SACS: variants seen among roughly 807,000 people sequenced by gnomAD.
The protein encoded by SACS is sacsin.
A neutral mutation model predicts 348.0 loss-of-function variants in SACS; 197 were observed. That is an observed-to-expected ratio of 0.57 (90% CI 0.50 to 0.64). SACS has a LOEUF of 0.64. Ranked by LOEUF, SACS falls within the 30% of genes least tolerant of loss-of-function variation. The pLI is 0.00. For synonymous variants in SACS, 1,985 were observed against 1,910.6 expected (o/e 1.04, Z -1.02); for missense variants, 4,999 against 5,360.8 (o/e 0.93, Z 2.11).
chr13:23,385,081 G>A lies in SACS; in HGVS notation c.21-9812C>T, dbSNP rs981463472. 4.6e-5 allele frequency among the ~76,000 whole-genome samples: 7 copies of A among 151,144 alleles called. No homozygotes were observed. In the East Asian group the frequency reaches 5.8e-4, roughly 13 times the overall value. ...TCGAGAACATCCTGGCTAACACGGT[G>A]AAACGCCATCTCTACTAAAAATACA... On this transcript the variant is annotated intron_variant, in intron 2 of 9. Coordinates refer to ENST00000382292, the MANE Select transcript of SACS (RefSeq NM_014363.6).
intron 9 of SACS, among the ~76,000 whole-genome samples, chr13:23,346,448 C>T (rs986261066): frequency 6.6e-6 from 1 of 152,114 alleles, no homozygotes; most frequent in Non-Finnish European, 1.5e-5. Flanking sequence ...CTGGCCCCCT[C>T]TATGCTTTTT....
chr13:23,376,762 T>C (rs1474964796), intron 2 of SACS, among the ~76,000 whole-genome samples: 3 of 152,150 alleles, frequency 2.0e-5, no homozygotes, highest in Admixed American at 6.5e-5. Context: ...GCCAAATATG[T>C]ACTTCTTGGC....
chr13:23,393,905 C>T (rs887750458), intron 2 of SACS, among the ~76,000 whole-genome samples: 2 of 152,266 alleles, frequency 1.3e-5, no homozygotes, highest in South Asian at 2.1e-4. Flanking sequence ...GGACTACAGG[C>T]GCCTGCCACC....
chr13:23,340,034 C>T lies in SACS; in HGVS notation c.3842G>A (p.Gly1281Asp). The T allele has an allele frequency of 1.9e-6, 3 of 1,613,326 alleles. No homozygotes were observed. Among genetic ancestry groups the T allele is most frequent in the Middle Eastern group, 1.7e-4 (1 of 6,056 alleles). The change falls in exon 10 of 10, where the codon GGC becomes GAC. Residue 1281 changes from glycine to aspartate, a missense_variant. Physicochemically the swap from Gly to Asp is moderately conservative, Grantham distance 94. Transcript: ENST00000382292. ...CTGGGCAAGTGGACAAAACTTTTTGCCAGTCCAAACCCATGGAAATTTTAA... is the reference window on the plus strand; with the variant it reads ...CTGGGCAAGTGGACAAAACTTTTTGTCAGTCCAAACCCATGGAAATTTTAA... Reference protein sequence around the residue: ...RALKFPWVWTGKKFCPLAQAV... With the variant: ...RALKFPWVWTDKKFCPLAQAV...
chr13:23,422,166 C>T (rs540816214), intron 1 of SACS, among the ~76,000 whole-genome samples: 3 of 152,252 alleles, frequency 2.0e-5, no homozygotes, highest in East Asian at 1.9e-4. Context: ...TTGAATGGAA[C>T]GTAACTTTTC....
At chr13:23,394,126 ATGGGCTGG>A (rs1488733917) in intron 2 of SACS, among the ~76,000 whole-genome samples, 1 of 152,172 alleles carries the variant, frequency 6.6e-6, no homozygotes, top group Non-Finnish European at 1.5e-5. Flanking sequence ...CACGTGATTA[ATGGGCTGG>A]AACTTTCAGC....
Position 23,331,567 on chromosome 13 carries a change from T to G in SACS, c.12309A>C (p.Ala4103=). The G allele has an allele frequency of 1.2e-6, 2 of 1,613,970 alleles. No homozygotes were observed. The highest frequency in any genetic ancestry group is 1.7e-6 in the Non-Finnish European group (2 of 1,179,904). ...TGTCAGTTGCTGATTTAAGAGTCATTGCCAATGCTAACAGGAAATTAATGT... is the reference window on the plus strand; with the variant it reads ...TGTCAGTTGCTGATTTAAGAGTCATGGCCAATGCTAACAGGAAATTAATGT... ...SKDINFLLAL[A]MTLKSATDNL... The change falls in exon 10 of 10, where the codon GCA becomes GCC. Residue 4103 remains alanine, a synonymous_variant. Coordinates refer to ENST00000382292, the MANE Select transcript of SACS (RefSeq NM_014363.6).
At chr13:23,408,410 G>A (rs191634726) in intron 2 of SACS, among the ~76,000 whole-genome samples, 1 of 152,286 alleles carries the variant, frequency 6.6e-6, no homozygotes, top group East Asian at 1.9e-4. Context: ...CAACAAATGA[G>A]ATTCGTTATG....
rs752943692 is a variant in SACS at position 23,399,019 on chromosome 13, C to CAAAAAAAAAAAAAAAAAA, written c.20+12183_20+12200dup. On this transcript the variant is annotated intron_variant, in intron 2 of 9. Transcript: ENST00000382292. ...CTGGTAACAGAGTGAGACTCCATCT[C>CAAAAAAAAAAAAAAAAAA]AAAAAAAAAAAAAAAAAACATGGAT... Among the ~76,000 whole-genome samples the CAAAAAAAAAAAAAAAAAA allele has an allele frequency of 6.3e-4, 42 of 67,102 alleles. 4 individuals carry two copies. Among genetic ancestry groups the CAAAAAAAAAAAAAAAAAA allele is most frequent in the East Asian group, 5.0e-3 (7 of 1,400 alleles). The allele number at this position is 67,102 out of a possible 152,430, so 44.0% of individuals were successfully genotyped here.
Position 23,332,918 on chromosome 13 carries a change from A to G in SACS, c.10958T>C (p.Phe3653Ser). 1.9e-6 allele frequency: 3 copies of G among 1,613,930 alleles called. No homozygotes were observed. Among genetic ancestry groups the G allele is most frequent in the Non-Finnish European group, 2.5e-6 (3 of 1,179,928 alleles). ...CGCGGGGGCCCGCTCAGGACATAAG[A>G]ATGGTATTAAAGATAGTTCTTTCAG... Reference protein sequence around the residue: ...NFLKELSLIPFLCPERAPAEF... With the variant: ...NFLKELSLIPSLCPERAPAEF... The change falls in exon 10 of 10, where the codon TTC becomes TCC. Residue 3653 changes from phenylalanine to serine, a missense_variant. Phe to Ser is a radical substitution (Grantham distance 155). Coordinates refer to ENST00000382292, the MANE Select transcript of SACS (RefSeq NM_014363.6).
At chr13:23,375,553 G>C (rs927003954) in intron 2 of SACS, 1 of 1,050,170 alleles carries the variant, frequency 9.5e-7, no homozygotes, top group Non-Finnish European at 1.1e-6. Flanking sequence ...GGCGGGGGCG[G>C]GGACTGCGCG....
Position 23,354,572 on chromosome 13 carries a change from G to A in SACS, c.2040C>T (p.Ser680=), listed in dbSNP as rs142115704. 1.9e-4 allele frequency: 312 copies of A among 1,614,056 alleles called. No homozygotes were observed. Among genetic ancestry groups the A allele is most frequent in the Non-Finnish European group, 2.4e-4 (287 of 1,180,016 alleles). The change falls in exon 8 of 10, where the codon TCC becomes TCT. Residue 680 remains serine, a synonymous_variant. Transcript: ENST00000382292. ...TGACATCTTGGTCTGATACAGATGA[G>A]GAGAAGGGGACAAAATTGCCATTTT... ...PLQNGNFVPF[S]SSVSDQDVIY...
In SACS at chr13:23,333,451, CTCAAGA is replaced by C; in HGVS notation, c.10419_10424del (p.Asp3473_Leu3474del). 3 of 1,612,324 alleles carry C rather than the reference CTCAAGA, an allele frequency of 1.9e-6. No individual in the cohort carries two copies. Among genetic ancestry groups the C allele is most frequent in the Non-Finnish European group, 8.5e-7 (1 of 1,179,026 alleles). Reference sequence around the variant, plus strand: ...TTGGTAAGAGGTGTTTCAAATATACCTCAAGATCATCTACAGGTACACAACCAATCA... The same window carrying C: ...TTGGTAAGAGGTGTTTCAAATATACCTCATCTACAGGTACACAACCAATCA... On this transcript the variant is annotated inframe_deletion, in exon 10 of 10. Transcript: ENST00000382292.
chr13:23,399,127 A>G (rs1872844464), intron 2 of SACS, among the ~76,000 whole-genome samples: 1 of 151,990 alleles, frequency 6.6e-6, no homozygotes, highest in South Asian at 2.1e-4. Flanking sequence ...ACCTTAATAA[A>G]AAAACACCTA....
chr13:23,423,284 C>T (rs1228398380), intron 1 of SACS, among the ~76,000 whole-genome samples: 3 of 152,134 alleles, frequency 2.0e-5, no homozygotes, highest in East Asian at 3.9e-4. Context: ...TGTGAAGAAG[C>T]TTTGTGATGT....
intron 9 of SACS, among the ~76,000 whole-genome samples, chr13:23,347,010 A>G (rs1417926746): frequency 6.6e-6 from 1 of 152,232 alleles, no homozygotes; most frequent in Non-Finnish European, 1.5e-5. Flanking sequence ...TACACATCTA[A>G]GATTTAAAGC....
chr13:23,372,677 C>T lies in SACS; in HGVS notation c.172-1512G>A, dbSNP rs533337905. On this transcript the variant is annotated intron_variant, in intron 3 of 9. Coordinates refer to ENST00000382292, the MANE Select transcript of SACS (RefSeq NM_014363.6). ...ATGCTGCCTTATGTCTCACCAACAG[C>T]TGAACTATATATAAAAGCAAACTGG... Among the ~76,000 whole-genome samples, 61 of 152,296 alleles carry T rather than the reference C, an allele frequency of 4.0e-4. No individual in the cohort carries two copies. The East Asian group carries it at 8.3e-3, about 21-fold the overall frequency.
intron 2 of SACS, among the ~76,000 whole-genome samples, chr13:23,383,752 C>T (rs1441887717): frequency 6.6e-6 from 1 of 152,226 alleles, no homozygotes; most frequent in African/African-American, 2.4e-5. Context: ...TCCTTTCTTA[C>T]TCTCTCTGAA....
intron 4 of SACS, among the ~76,000 whole-genome samples, chr13:23,369,370 T>C (rs1198193490): frequency 6.6e-6 from 1 of 152,036 alleles, no homozygotes; most frequent in African/African-American, 2.4e-5. Flanking sequence ...AACAAGAAAA[T>C]GGGAAGTAAT....
Sources: gnomAD v4.1 joint callset for allele counts (sites outside exome capture counted in the v4.1 genomes callset) on GRCh38, gnomAD v4.1.1 for gene constraint, MANE v1.5 for transcripts, NCBI Gene and HGNC (gene_info 2026-07-23, HGNC 2026-07-21) for gene names.